Variants in ZFP82 observed in about 807,000 individuals in gnomAD.
ZFP82 encodes the protein ZFP82 zinc finger protein, also known as zinc finger protein 82 homolog.
A neutral mutation model predicts 54.0 loss-of-function variants in ZFP82; 30 were observed. The ratio of observed to expected loss-of-function variants is 0.56; its 90% CI spans 0.42 to 0.75. The LOEUF is 0.75. Among genes scored for constraint, ZFP82 ranks in the 30% least tolerant of loss-of-function variants. ZFP82 has a pLI of 0.00. For missense variants in ZFP82, 500 were observed against 636.8 expected (o/e 0.79, Z 2.31); for synonymous variants, 194 against 209.5 (o/e 0.93, Z 0.64).
At chr19:36,409,732 T>C in intron 2 of ZFP82, 49 bp downstream of exon 2, 1 of 1,605,500 alleles carries the variant, frequency 6.2e-7, no homozygotes, top group African/African-American at 1.3e-5. Flanking sequence ...AAAAAAATGG[T>C]CACAGAACCT....
intron 4 of ZFP82, chr19:36,395,420 A>G (rs920721217): frequency 2.0e-5 from 3 of 152,228 alleles, no homozygotes; most frequent in Non-Finnish European, 4.4e-5. Context: ...ACAGGAAAAC[A>G]CGTCTATATC....
rs1568489529 is a variant in ZFP82 at position 36,408,016 on chromosome 19, G to A, written c.10-3C>T. 1 of 1,612,144 alleles carries A rather than the reference G, an allele frequency of 6.2e-7. No individual in the cohort carries two copies. Among genetic ancestry groups the A allele is most frequent in the African/African-American group, 1.3e-5 (1 of 74,992 alleles). ...ACATCACTGAACATCACTGATCGCT[G>A]AAATGACAAACCACACATTATAAAT... On this transcript the variant is annotated splice_polypyrimidine_tract_variant and splice_region_variant and intron_variant, in intron 2 of 4. Coordinates refer to ENST00000392161, the MANE Select transcript of ZFP82 (RefSeq NM_133466.4).
chr19:36,416,690 A>C (rs1341794046), intron 1 of ZFP82, among the ~76,000 whole-genome samples: 1 of 140,402 alleles, frequency 7.1e-6, no homozygotes, highest in Non-Finnish European at 1.5e-5. Context: ...TGGGAGGCGG[A>C]GGTTGCGGTG....
rs767727975 is a variant in ZFP82, at chr19:36,393,764, A to G, written c.576T>C (p.His192=). 2.5e-6 allele frequency: 4 copies of G among 1,613,956 alleles called. No homozygotes were observed. The South Asian group carries it at 4.4e-5, about 18-fold the overall frequency. The change falls in exon 5 of 5, where the codon CAT becomes CAC. Residue 192 remains histidine (H), a synonymous_variant. Coordinates refer to ENST00000392161, the MANE Select transcript of ZFP82 (RefSeq NM_133466.4). ...RQQLTFHHRI[H]TGEKPYECKE... ...TACATTCATACGGTTTTTCACCAGT[A>G]TGAATTCTGTGATGAAAAGTAAGCT...
rs1350697637 is a variant in ZFP82, at chr19:36,407,943, T to G, written c.80A>C (p.Gln27Pro). 6.2e-7 allele frequency: 1 copy of G among 1,614,076 alleles called. No individual in the cohort carries two copies. Among genetic ancestry groups the G allele is most frequent in the African/African-American group, 1.3e-5 (1 of 74,946 alleles). The change falls in exon 3 of 5, where the codon CAA becomes CCA. Residue 27 changes from glutamine to proline, a missense_variant. By Grantham distance (76) the Gln-to-Pro change is moderately conservative. Transcript: ENST00000392161. ...CATGACATCTCTGTACAAGTCCTTTTGTTCCAAGTCCAGGTATTCCCACTC... is the reference window on the plus strand; with the variant it reads ...CATGACATCTCTGTACAAGTCCTTTGGTTCCAAGTCCAGGTATTCCCACTC... ...PEEWEYLDLE[Q>P]KDLYRDVMLE...
At chr19:36,387,722 A>G (rs1243628480), downstream of ZFP82, among the ~76,000 whole-genome samples, 4 of 152,260 alleles carry the variant, frequency 2.6e-5, no homozygotes, top group East Asian at 3.9e-4. Context: ...GGTTCAAGCA[A>G]TTCTTTCTCA....
At chr19:36,411,348 G>C (rs1435186377) in intron 1 of ZFP82, among the ~76,000 whole-genome samples, 1 of 151,868 alleles carries the variant, frequency 6.6e-6, no homozygotes, top group Non-Finnish European at 1.5e-5. Context: ...GCGAAAACTG[G>C]CATGCATGAT....
At chr19:36,410,503 CTTGTTT>C (rs1568490721) in intron 1 of ZFP82, among the ~76,000 whole-genome samples, 3 of 150,684 alleles carry the variant, frequency 2.0e-5, no homozygotes, top group African/African-American at 7.3e-5. Flanking sequence ...GTTGTTTGTT[CTTGTTT>C]TTGTTTTTTT....
Position 36,394,078 on chromosome 19 carries a change from A to G in ZFP82, c.262T>C (p.Ser88Pro). Residue 88 changes from serine (S) to proline (P), a missense_variant, in exon 5 of 5, where the codon TCT (serine) becomes CCT (proline). Coordinates refer to ENST00000392161, the MANE Select transcript of ZFP82 (RefSeq NM_133466.4). ...ATTTCATAAATGTCATTTTCTAAAG[A>G]TAACTTCTTGGTCTCATACTTGGTC... is the stretch of plus-strand genomic sequence containing the variant. ...LETKYETKKL[S>P]LENDIYEINL... 1 of 1,610,334 alleles carries G rather than the reference A, an allele frequency of 6.2e-7. No homozygotes were observed. Among genetic ancestry groups the G allele is most frequent in the Non-Finnish European group, 8.5e-7 (1 of 1,179,286 alleles).
intron 4 of ZFP82, among the ~76,000 whole-genome samples, chr19:36,405,263 A>C (rs570027154): frequency 6.6e-6 from 1 of 152,282 alleles, no homozygotes; most frequent in Non-Finnish European, 1.5e-5. Context: ...ACAGTGAGCC[A>C]AAGAGAGCAC....
At chr19:36,402,475 A>AAAAAAAAAAAAC in intron 4 of ZFP82, among the ~76,000 whole-genome samples, 1 of 150,660 alleles carries the variant, frequency 6.6e-6, no homozygotes, top group Admixed American at 6.6e-5. Flanking sequence ...TCTCAAAAAA[A>AAAAAAAAAAAAC]AAAAAAAAAA....
At chr19:36,415,255 G>A (rs1009529519) in intron 1 of ZFP82, among the ~76,000 whole-genome samples, 2 of 152,226 alleles carry the variant, frequency 1.3e-5, no homozygotes, top group Non-Finnish European at 2.9e-5. Context: ...CATTAGAATA[G>A]TAATATTTAT....
intron 2 of ZFP82, among the ~76,000 whole-genome samples, chr19:36,408,984 C>CT (rs2032532054): frequency 6.6e-6 from 1 of 152,196 alleles, no homozygotes; most frequent in Non-Finnish European, 1.5e-5. Flanking sequence ...TTCTCACATG[C>CT]TATCACTTTC....
At chr19:36,386,343 G>A (rs1056199932), downstream of ZFP82, among the ~76,000 whole-genome samples, 1 of 152,254 alleles carries the variant, frequency 6.6e-6, no homozygotes, top group Non-Finnish European at 1.5e-5. Context: ...AGTCACGGGG[G>A]CATGGCTTCC....
chr19:36,402,480 A>AAAAAAAAAAAAAAAC (rs1415580930), intron 4 of ZFP82, among the ~76,000 whole-genome samples: 1 of 150,900 alleles, frequency 6.6e-6, no homozygotes, highest in African/African-American at 2.4e-5. Flanking sequence ...AAAAAAAAAA[A>AAAAAAAAAAAAAAAC]AAAAAAAGAT....
chr19:36,412,097 T>A (rs79507239), intron 1 of ZFP82, among the ~76,000 whole-genome samples: 8 of 84,502 alleles, frequency 9.5e-5, no homozygotes, highest in South Asian at 4.2e-4. Context: ...AGAGAGAGAG[T>A]GTGCGTGTGT....
intron 1 of ZFP82, among the ~76,000 whole-genome samples, chr19:36,413,072 A>G (rs2032606575): frequency 6.6e-6 from 1 of 152,234 alleles, no homozygotes; most frequent in Non-Finnish European, 1.5e-5. Context: ...TCGTTAGGAA[A>G]TATTTGTAAA....
rs2032172157 is a variant in ZFP82 at position 36,390,276 on chromosome 19, G to T, written c.*2465C>A. The T allele has an allele frequency of 6.8e-6, 1 of 148,062 alleles. No individual in the cohort carries two copies. 9.2% of individuals were successfully genotyped at this position (148,062 alleles called of 1,614,324 possible). On this transcript the variant is annotated 3_prime_UTR_variant, in exon 5 of 5. Coordinates refer to ENST00000392161, the MANE Select transcript of ZFP82 (RefSeq NM_133466.4). ...AGGATCCTAAAATGCTCCATACACTGTATTTGAAGGATACGTTTCTTAGTC... is the reference window on the plus strand; with the variant it reads ...AGGATCCTAAAATGCTCCATACACTTTATTTGAAGGATACGTTTCTTAGTC...
intron 1 of ZFP82, among the ~76,000 whole-genome samples, chr19:36,414,256 C>T (rs1270600753): frequency 6.6e-6 from 1 of 151,898 alleles, no homozygotes; most frequent in Non-Finnish European, 1.5e-5. Context: ...TTAACAATTT[C>T]AATAGCAGTC....
Sources: allele counts gnomAD v4.1 joint callset (sites outside exome capture counted in the v4.1 genomes callset), GRCh38; gene constraint gnomAD v4.1.1; transcripts MANE v1.5; gene names NCBI Gene and HGNC (gene_info 2026-07-23, HGNC 2026-07-21).